Variants in LPCAT2 observed in about 807,000 individuals in gnomAD.
LPCAT2 encodes the protein lysophosphatidylcholine acyltransferase 2.
Under a neutral mutation model 64.7 loss-of-function variants are expected in LPCAT2, and 58 were observed. The observed-to-expected ratio is 0.90, with a 90% CI of 0.73 to 1.12. The LOEUF (loss-of-function observed/expected upper bound fraction) is 1.12. LPCAT2 is among the 50% of genes most tolerant of loss of function. The pLI is 0.00. For synonymous variants in LPCAT2, 252 were observed against 245.3 expected (o/e 1.03, Z -0.26); for missense variants, 579 against 669.8 (o/e 0.86, Z 1.50).
At chr16:55,528,662 T>A in intron 3 of LPCAT2, 68 bp downstream of exon 3, 1 of 1,167,310 alleles carries the variant, frequency 8.6e-7, no homozygotes, top group Non-Finnish European at 1.2e-6. Flanking sequence ...AATAATCATA[T>A]ATAGTTCATT....
intron 12 of LPCAT2, among the ~76,000 whole-genome samples, chr16:55,576,185 CT>C (rs5817022): frequency 3.6e-4 from 52 of 145,494 alleles, no homozygotes; most frequent in Non-Finnish European, 3.5e-4. Context: ...CTATAATTAG[CT>C]TTTTTTTTTT....
intron 11 of LPCAT2, among the ~76,000 whole-genome samples, chr16:55,554,271 G>A (rs1028087513): frequency 1.3e-5 from 2 of 152,146 alleles, no homozygotes; most frequent in South Asian, 2.1e-4. Flanking sequence ...GTCGTAGATG[G>A]CATTTTCTTT....
chr16:55,547,492 A>G (rs1156292289), intron 9 of LPCAT2, among the ~76,000 whole-genome samples: 2 of 152,176 alleles, frequency 1.3e-5, no homozygotes, highest in Non-Finnish European at 2.9e-5. Flanking sequence ...AAGTTATTTA[A>G]CATTATCTTT....
chr16:55,543,412 C>T (rs1291308448), intron 8 of LPCAT2, among the ~76,000 whole-genome samples: 1 of 152,038 alleles, frequency 6.6e-6, no homozygotes, highest in African/African-American at 2.4e-5. Flanking sequence ...CTTTTATGAC[C>T]TAAATCAAGT....
intron 12 of LPCAT2, among the ~76,000 whole-genome samples, chr16:55,575,720 A>T (rs1424774232): frequency 6.6e-6 from 1 of 152,178 alleles, no homozygotes; most frequent in Non-Finnish European, 1.5e-5. Context: ...TTAGAGGCCA[A>T]TTGGGATAAG....
At chr16:55,533,824 A>C (rs1032724979) in intron 6 of LPCAT2, among the ~76,000 whole-genome samples, 1 of 152,134 alleles carries the variant, frequency 6.6e-6, no homozygotes, top group Non-Finnish European at 1.5e-5. Flanking sequence ...CTAAAGAAAG[A>C]TTTTTGAGGG....
intron 1 of LPCAT2, among the ~76,000 whole-genome samples, chr16:55,512,988 A>G (rs973201763): frequency 4.2e-4 from 64 of 152,340 alleles, no homozygotes; most frequent in African/African-American, 1.5e-3. Context: ...CCAGGACAGA[A>G]ATCAACATTC....
intron 6 of LPCAT2, 151 bp downstream of exon 6, chr16:55,533,033 A>C (rs879714665): frequency 2.3e-5 from 13 of 561,820 alleles, no homozygotes; most frequent in Non-Finnish European, 4.1e-5. Flanking sequence ...TCTAGTTTTT[A>C]AAATTTTGCA....
intron 8 of LPCAT2, chr16:55,538,424 T>C (rs1963351192): frequency 6.6e-6 from 1 of 152,172 alleles, no homozygotes; most frequent in South Asian, 2.1e-4. Context: ...TGGGGTCTAG[T>C]GCCTAAGTGA....
At chr16:55,579,312 A>C in intron 13 of LPCAT2, 68 bp downstream of exon 13, 6 of 1,461,186 alleles carry the variant, frequency 4.1e-6, no homozygotes, top group Non-Finnish European at 5.6e-6. Flanking sequence ...ACTGATGCTC[A>C]AGAGTACTGT....
At chr16:55,518,028 T>C (rs1244404589) in intron 1 of LPCAT2, among the ~76,000 whole-genome samples, 1 of 152,196 alleles carries the variant, frequency 6.6e-6, no homozygotes, top group Non-Finnish European at 1.5e-5. Flanking sequence ...GATGGCATGA[T>C]TTTTTAAACA....
intron 11 of LPCAT2, among the ~76,000 whole-genome samples, chr16:55,570,941 CTT>C (rs1179938533): frequency 2.6e-5 from 4 of 152,210 alleles, no homozygotes; most frequent in East Asian, 1.9e-4. Flanking sequence ...GATGTGAAGA[CTT>C]TTTTCTGTTG....
intron 11 of LPCAT2, among the ~76,000 whole-genome samples, chr16:55,552,902 A>G (rs982772459): frequency 1.6e-4 from 25 of 152,136 alleles, no homozygotes; most frequent in Non-Finnish European, 3.2e-4. Context: ...TAAGACAACA[A>G]TGAAGTTTGC....
chr16:55,531,771 C>G lies in LPCAT2; in HGVS notation c.643-143C>G, dbSNP rs1427411242. The G allele has an allele frequency of 2.0e-4, 122 of 608,638 alleles. 1 individual carries two copies. The highest frequency in any genetic ancestry group is 2.5e-4 in the Non-Finnish European group (83 of 335,554). The allele number at this position is 608,638 out of a possible 1,614,324, so 37.7% of individuals were successfully genotyped here. Reference sequence around the variant, plus strand: ...AGAAAATTGAATAATCTGATAGTAGCTTTCATTAGAATCAAATGTTAGCCT... The same window carrying G: ...AGAAAATTGAATAATCTGATAGTAGGTTTCATTAGAATCAAATGTTAGCCT... On this transcript the variant is annotated intron_variant, in intron 4 of 13. Coordinates refer to ENST00000262134, the MANE Select transcript of LPCAT2 (RefSeq NM_017839.5).
At chr16:55,510,465 G>A (rs1431966743) in intron 1 of LPCAT2, among the ~76,000 whole-genome samples, 2 of 140,770 alleles carry the variant, frequency 1.4e-5, no homozygotes, top group African/African-American at 5.1e-5. Context: ...GGGGGTGGGG[G>A]AACAATTTTG....
intron 8 of LPCAT2, among the ~76,000 whole-genome samples, chr16:55,542,966 G>A (rs1336344133): frequency 6.6e-6 from 1 of 152,110 alleles, no homozygotes; most frequent in Non-Finnish European, 1.5e-5. Context: ...AGTCATTGGG[G>A]TATATAGATG....
intron 1 of LPCAT2, among the ~76,000 whole-genome samples, chr16:55,523,301 C>T (rs1452298343): frequency 6.6e-6 from 1 of 151,684 alleles, no homozygotes; most frequent in Non-Finnish European, 1.5e-5. Context: ...AAAAATTGAC[C>T]ATACCATATG....
At chr16:55,557,271 G>GTC (rs527830880) in intron 11 of LPCAT2, among the ~76,000 whole-genome samples, 112 of 149,708 alleles carry the variant, frequency 7.5e-4, no homozygotes, top group Non-Finnish European at 1.3e-3. Context: ...CTCTGTCTCT[G>GTC]TCTCTCTCTC....
At chr16:55,522,874 T>C (rs1172274783) in intron 1 of LPCAT2, among the ~76,000 whole-genome samples, 2 of 151,544 alleles carry the variant, frequency 1.3e-5, no homozygotes, top group African/African-American at 4.8e-5. Context: ...GAAAAAAATA[T>C]AGAATATCTT....
Sources: gnomAD v4.1 joint callset for allele counts (sites outside exome capture counted in the v4.1 genomes callset) on GRCh38, gnomAD v4.1.1 for gene constraint, MANE v1.5 for transcripts, NCBI Gene and HGNC (gene_info 2026-07-23, HGNC 2026-07-21) for gene names.